GPHN: variants seen among roughly 807,000 people sequenced by gnomAD.
The protein encoded by GPHN is gephyrin.
In GPHN, 17 loss-of-function variants were observed where a neutral mutation model predicts 95.5. The ratio of observed to expected loss-of-function variants is 0.18; its 90% CI spans 0.12 to 0.27. The LOEUF (loss-of-function observed/expected upper bound fraction) is 0.27, where lower values mean the gene tolerates loss of function less well. Ranked by LOEUF, GPHN falls within the 10% of genes least tolerant of loss-of-function variation. The pLI is 1.00. For missense variants in GPHN, 660 were observed against 978.1 expected, an observed-to-expected ratio of 0.67 and a Z score of 4.34; for synonymous variants, 320 against 322.5, an observed-to-expected ratio of 0.99 and a Z score of 0.08.
chr14:67,590,206 G>A, the GPHN span: 21 of 1,535,002 alleles, frequency 1.4e-5, no homozygotes, highest in South Asian at 2.5e-4. Context: ...CGGAGTCAAG[G>A]TGAGAATATA....
chr14:67,722,499 G>T, the GPHN span: 42 of 783,108 alleles, frequency 5.4e-5, no homozygotes, highest in African/African-American at 5.8e-4. Flanking sequence ...TCAGAGTCAG[G>T]CTGCTGCTCA....
At chr14:67,674,557 T>C in the GPHN span, 1 of 1,410,808 alleles carries the variant, frequency 7.1e-7, no homozygotes, top group East Asian at 2.6e-5. Flanking sequence ...AGCCCGGCGG[T>C]CAGCCGCCCA....
chr14:67,319,943 CT>C, the GPHN span, among the ~76,000 whole-genome samples: 2 of 152,150 alleles, frequency 1.3e-5, no homozygotes, highest in African/African-American at 4.8e-5. Context: ...GTACCGCATC[CT>C]TATTCAAAGT....
the GPHN span, chr14:67,692,513 G>T: frequency 1.9e-6 from 3 of 1,613,806 alleles, no homozygotes. Context: ...AACACCTGCT[G>T]GTTCCCTGTC....
At chr14:66,693,931 C>T (rs989899089) in intron 2 of GPHN, among the ~76,000 whole-genome samples, 5 of 152,074 alleles carry the variant, frequency 3.3e-5, no homozygotes, top group African/African-American at 1.2e-4. Context: ...GAGGACTTGA[C>T]ACTATACAGC....
At chr14:66,789,147 G>C (rs937313917) in intron 3 of GPHN, among the ~76,000 whole-genome samples, 5 of 152,172 alleles carry the variant, frequency 3.3e-5, no homozygotes, top group Admixed American at 1.3e-4. Flanking sequence ...TTCACACACA[G>C]AATCTCTTTT....
the GPHN span, among the ~76,000 whole-genome samples, chr14:67,550,987 G>T: frequency 1.6e-4 from 25 of 152,318 alleles, no homozygotes; most frequent in Non-Finnish European, 3.4e-4. Context: ...TTATGACAGT[G>T]GCCCTGTTTA....
chr14:67,341,529 C>A, the GPHN span, among the ~76,000 whole-genome samples: 1 of 151,074 alleles, frequency 6.6e-6, no homozygotes, highest in African/African-American at 2.4e-5. Flanking sequence ...GTCAGCCCCC[C>A]GCCTGGCCAG....
At chr14:66,612,367 C>T (rs1386049014) in intron 1 of GPHN, among the ~76,000 whole-genome samples, 1 of 151,876 alleles carries the variant, frequency 6.6e-6, no homozygotes, top group African/African-American at 2.4e-5. Context: ...TCCTTCCCTC[C>T]CACATAGTTG....
At chr14:67,144,272 T>TACATAC (rs1567400961) in intron 18 of GPHN, among the ~76,000 whole-genome samples, 1,951 of 120,414 alleles carry the variant, frequency 0.016, 291 homozygotes, top group African/African-American at 0.055. Context: ...TATATATATA[T>TACATAC]ATATATATAT....
chr14:67,236,162 G>C, the GPHN span, among the ~76,000 whole-genome samples: 1 of 152,040 alleles, frequency 6.6e-6, no homozygotes, highest in Non-Finnish European at 1.5e-5. Context: ...TCACCATGTT[G>C]TACAAATAGA....
chr14:67,429,114 G>A, the GPHN span, among the ~76,000 whole-genome samples: 2 of 152,158 alleles, frequency 1.3e-5, no homozygotes, highest in African/African-American at 2.4e-5. Flanking sequence ...GCTCAGCTGG[G>A]CTGAAGCCAT....
chr14:67,625,311 A>G, the GPHN span, among the ~76,000 whole-genome samples: 1 of 152,190 alleles, frequency 6.6e-6, no homozygotes, highest in African/African-American at 2.4e-5. Flanking sequence ...TAGCTATCCC[A>G]TCAAAATCAT....
the GPHN span, chr14:67,573,820 C>G: frequency 6.2e-7 from 1 of 1,613,286 alleles, no homozygotes; most frequent in Non-Finnish European, 8.5e-7. This position sits in a 1 kb window ranked among gnomAD's most constrained non-coding sequence, Gnocchi z 4.8. Flanking sequence ...ATCCGGAAAC[C>G]TCAAGGCCAA....
At chr14:67,021,648 A>G (rs1419614686) in intron 9 of GPHN, among the ~76,000 whole-genome samples, 1 of 152,098 alleles carries the variant, frequency 6.6e-6, no homozygotes, top group Non-Finnish European at 1.5e-5. Flanking sequence ...AATGTATATA[A>G]GAGGCATTAT....
At chr14:67,214,157 C>G in the GPHN span, among the ~76,000 whole-genome samples, 1 of 152,148 alleles carries the variant, frequency 6.6e-6, no homozygotes, top group Non-Finnish European at 1.5e-5. Flanking sequence ...TGTGCAGAAG[C>G]TCTTTAGTTT....
intron 11 of GPHN, among the ~76,000 whole-genome samples, chr14:67,085,626 A>G (rs1344149406): frequency 6.6e-6 from 1 of 152,206 alleles, no homozygotes; most frequent in Non-Finnish European, 1.5e-5. Context: ...TGTAAAAGTG[A>G]CTATACTAAC....
intron 18 of GPHN, among the ~76,000 whole-genome samples, chr14:67,144,250 A>AAAAATAAATATATAT: frequency 1.7e-5 from 1 of 57,772 alleles, no homozygotes; most frequent in Non-Finnish European, 2.9e-5. Flanking sequence ...AAAAAAAAAA[A>AAAAATAAATATATAT]ATATATATAT....
the GPHN span, among the ~76,000 whole-genome samples, chr14:67,427,886 C>T: frequency 4.0e-5 from 6 of 151,146 alleles, no homozygotes; most frequent in Admixed American, 2.0e-4. Context: ...CACACATTTC[C>T]GAGACACCCA....
Sources: gnomAD v4.1 joint callset for allele counts (sites outside exome capture counted in the v4.1 genomes callset) on GRCh38, gnomAD v4.1.1 for gene constraint, Gnocchi (gnomAD v3.1) non-coding constraint, MANE v1.5 for transcripts, NCBI Gene and HGNC (gene_info 2026-07-23, HGNC 2026-07-21) for gene names.